Variants in RP1 observed in about 807,000 individuals in gnomAD.
RP1 encodes the protein oxygen-regulated protein 1.
In RP1, 16 loss-of-function variants were observed where a neutral mutation model predicts 14.8. The observed-to-expected ratio is 1.08, with a 90% CI of 0.73 to 1.65. The LOEUF (loss-of-function observed/expected upper bound fraction) is 1.65. Ranked by LOEUF, RP1 falls within the 40% of genes most tolerant of loss-of-function variation. The pLI, the probability that RP1 is intolerant of heterozygous loss-of-function variation, is 0.00. For synonymous variants in RP1, 876 were observed against 883.6 expected (o/e 0.99, Z 0.15); for missense variants, 2,631 against 2,535.0 (o/e 1.04, Z -0.81).
downstream of RP1, among the ~76,000 whole-genome samples, chr8:54,770,542 A>G (rs2129374781): frequency 6.7e-6 from 1 of 150,278 alleles, no homozygotes; most frequent in African/African-American, 2.4e-5. Context: ...TTTTTGTGAC[A>G]TGAAATCATG....
intron 25 of RP1, among the ~76,000 whole-genome samples, chr8:54,841,988 C>A (rs187430461): frequency 7.9e-5 from 12 of 152,252 alleles, no homozygotes; most frequent in Admixed American, 2.6e-4. Flanking sequence ...TTGAAATATG[C>A]CTACTTCAAA....
chr8:54,870,052 A>G, exon 29 of RP1: 2 of 469,706 alleles, frequency 4.3e-6, no homozygotes, highest in Non-Finnish European at 6.8e-6. Context: ...GGGGAGGGTC[A>G]GTTTGTGTTG....
intron 9 of RP1, among the ~76,000 whole-genome samples, chr8:54,679,064 A>C (rs1807363301): frequency 6.6e-6 from 1 of 152,134 alleles, no homozygotes; most frequent in Non-Finnish European, 1.5e-5. Flanking sequence ...CATTTATGAA[A>C]TAACTGATTA....
chr8:54,606,289 C>T (rs1284031155), intron 1 of RP1, among the ~76,000 whole-genome samples: 1 of 152,116 alleles, frequency 6.6e-6, no homozygotes, highest in Non-Finnish European at 1.5e-5. Flanking sequence ...TTTTATTTCT[C>T]CTTCACTTAT....
chr8:54,634,283 CAT>C (rs1390608148), downstream of RP1, among the ~76,000 whole-genome samples: 1 of 152,142 alleles, frequency 6.6e-6, no homozygotes, highest in Non-Finnish European at 1.5e-5. Context: ...GAATTATTAA[CAT>C]ATACAATGGG....
rs779844092 is a variant in RP1 at position 54,629,214 on chromosome 8, A to G, written c.5332A>G (p.Asn1778Asp). 14 of 1,613,978 alleles carry G rather than the reference A, an allele frequency of 8.7e-6. No homozygotes were observed. The East Asian group carries it at 3.1e-4, about 36-fold the overall frequency. ...CACATCAGTGGACACCCTACTTGAT[A>G]ATAACAGCAGTGAGGTACCATATTC... ...DTTSVDTLLD[N>D]NSSEVPYSHF... is the part of the protein sequence containing the mutation. Residue 1778 changes from asparagine (N) to aspartate (D), a missense_variant, in exon 4 of 4, where the codon AAT becomes GAT. Physicochemically the swap from Asn to Asp is conservative, Grantham distance 23. Coordinates refer to ENST00000220676, the MANE Select transcript of RP1 (RefSeq NM_006269.2).
intron 7 of RP1, among the ~76,000 whole-genome samples, chr8:54,669,449 G>A (rs1028701720): frequency 3.9e-5 from 6 of 152,118 alleles, no homozygotes; most frequent in Admixed American, 6.6e-5. Context: ...CTAGTTCAAC[G>A]ATTGTGGAAG....
At position 54,628,485 on chromosome 8, in the gene RP1, C is replaced by G. The variant is rs773844065; in HGVS notation, c.4603C>G (p.Pro1535Ala). 1.3e-4 allele frequency: 207 copies of G among 1,613,452 alleles called. No homozygotes were observed. Among genetic ancestry groups the G allele is most frequent in the Non-Finnish European group, 1.7e-4 (205 of 1,179,884 alleles). Reference protein sequence around the residue: ...YEIISKRLATPPSLDFCYDSK... With the variant: ...YEIISKRLATAPSLDFCYDSK... ...AATAATCAGTAAGAGGCTGGCAACACCACCATCTTTAGATTTTTGCTATGA... is the reference window on the plus strand; with the variant it reads ...AATAATCAGTAAGAGGCTGGCAACAGCACCATCTTTAGATTTTTGCTATGA... Residue 1535 changes from proline (P) to alanine (A), a missense_variant, in exon 4 of 4, where the codon CCA (proline) becomes GCA (alanine). Coordinates refer to ENST00000220676, the MANE Select transcript of RP1 (RefSeq NM_006269.2).
intron 6 of RP1, among the ~76,000 whole-genome samples, chr8:54,661,393 C>T (rs1390443985): frequency 1.1e-4 from 16 of 150,418 alleles, no homozygotes; most frequent in Admixed American, 9.3e-4. Context: ...GAGGGAGGAT[C>T]GCTTGAGTCT....
intron 1 of RP1, among the ~76,000 whole-genome samples, chr8:54,576,294 C>T (rs1231854909): frequency 6.6e-6 from 1 of 152,220 alleles, no homozygotes; most frequent in Non-Finnish European, 1.5e-5. Context: ...ATCCGCCCGC[C>T]TCGGCCTCCC....
intron 1 of RP1, among the ~76,000 whole-genome samples, chr8:54,567,747 G>T (rs1278511441): frequency 1.3e-5 from 2 of 152,168 alleles, no homozygotes; most frequent in African/African-American, 4.8e-5. Flanking sequence ...ATTTATGGAA[G>T]AAATGCTTGT....
intron 1 of RP1, among the ~76,000 whole-genome samples, chr8:54,579,776 T>C (rs1804739323): frequency 6.6e-6 from 1 of 152,188 alleles, no homozygotes. Flanking sequence ...CTCTGGTGTT[T>C]CCCTGGCCTC....
intron 1 of RP1, among the ~76,000 whole-genome samples, chr8:54,571,919 A>G (rs1259335191): frequency 6.6e-6 from 1 of 152,148 alleles, no homozygotes; most frequent in Non-Finnish European, 1.5e-5. Flanking sequence ...GGCCTACCCT[A>G]ATCACCTCAT....
intron 3 of RP1, among the ~76,000 whole-genome samples, chr8:54,648,679 A>G (rs1806597114): frequency 6.6e-6 from 1 of 152,210 alleles, no homozygotes. Flanking sequence ...GGGAGCTTCA[A>G]AAAAGTTGTT....
At chr8:54,766,690 C>A (rs1383470261) in intron 22 of RP1, among the ~76,000 whole-genome samples, 1 of 152,128 alleles carries the variant, frequency 6.6e-6, no homozygotes, top group East Asian at 1.9e-4. Flanking sequence ...CAGCAAAACA[C>A]CCTATATGTT....
At chr8:54,846,921 GA>G (rs1289985897) in intron 25 of RP1, among the ~76,000 whole-genome samples, 2 of 152,166 alleles carry the variant, frequency 1.3e-5, no homozygotes, top group Non-Finnish European at 2.9e-5. Flanking sequence ...ACCCTAGCTA[GA>G]AAAATGTGTC....
intron 1 of RP1, among the ~76,000 whole-genome samples, chr8:54,585,969 G>C (rs1276746678): frequency 6.6e-6 from 1 of 152,212 alleles, no homozygotes; most frequent in Non-Finnish European, 1.5e-5. Flanking sequence ...GGAGTAGTTT[G>C]ATCGTCTGAA....
chr8:54,771,546 T>A (rs1458024288), downstream of RP1, among the ~76,000 whole-genome samples: 1 of 152,066 alleles, frequency 6.6e-6, no homozygotes, highest in African/African-American at 2.4e-5. Flanking sequence ...TAAGCTATTT[T>A]AAAATGCTTC....
chr8:54,848,504 T>C (rs527533703), intron 25 of RP1, among the ~76,000 whole-genome samples: 1 of 152,312 alleles, frequency 6.6e-6, no homozygotes, highest in African/African-American at 2.4e-5. Context: ...GGTTTAAGGC[T>C]CTTCTCCCAT....
Sources: gnomAD v4.1 joint callset for allele counts (sites outside exome capture counted in the v4.1 genomes callset) on GRCh38, gnomAD v4.1.1 for gene constraint, MANE v1.5 for transcripts, NCBI Gene and HGNC (gene_info 2026-07-23, HGNC 2026-07-21) for gene names.